Variants in NOTCH4 observed in about 807,000 individuals in gnomAD.
NOTCH4 encodes notch receptor 4, also known as neurogenic locus notch homolog protein 4.
NOTCH4 carries 138 observed loss-of-function variants against 189.0 expected under a neutral mutation model. That is an observed-to-expected ratio of 0.73 (90% CI 0.64 to 0.84). NOTCH4 has a LOEUF of 0.84. Among genes scored for constraint, NOTCH4 ranks in the 40% least tolerant of loss-of-function variants. The pLI is 0.00. For synonymous variants in NOTCH4, 942 were observed against 1,032.8 expected (o/e 0.91, Z 1.69); for missense variants, 2,286 against 2,605.4 (o/e 0.88, Z 2.67).
At chr6:32,222,482 C>T (rs781373579) in intron 3 of NOTCH4, 29 bp downstream of exon 3, 2 of 1,492,514 alleles carry the variant, frequency 1.3e-6, no homozygotes, top group Admixed American at 2.5e-5. Context: ...CCTGCCTGTC[C>T]CCTCCTGGCT....
Position 32,218,058 on chromosome 6 carries a change from G to A in NOTCH4, c.1561C>T (p.Pro521Ser), listed in dbSNP as rs138825503. 3 of 1,613,988 alleles carry A rather than the reference G, an allele frequency of 1.9e-6. No homozygotes were observed. The highest frequency in any genetic ancestry group is 1.1e-5 in the South Asian group (1 of 91,052). Residue 521 changes from proline to serine, a missense_variant, in exon 9 of 30, where the codon CCC becomes TCC. By Grantham distance (74) the Pro-to-Ser change is moderately conservative (BLOSUM62 -1). This residue lies in a region of NOTCH4 where 1,903 missense variants were observed against 2,261.9 expected (regional missense o/e 0.84). Coordinates refer to ENST00000375023, the MANE Select transcript of NOTCH4 (RefSeq NM_004557.4). ...EVETNECASA[P>S]CLNHADCHDL... ...TGGCAATCCGCGTGGTTCAGGCAGGGAGCTGAGGCACACTCGTTGGTCTCC... is the reference window on the plus strand; with the variant it reads ...TGGCAATCCGCGTGGTTCAGGCAGGAAGCTGAGGCACACTCGTTGGTCTCC...
chr6:32,196,281 G>C, intron 29 of NOTCH4, 43 bp downstream of exon 29: 1 of 1,613,040 alleles, frequency 6.2e-7, no homozygotes, highest in Non-Finnish European at 8.5e-7. Context: ...TCCATCTCTC[G>C]TGCGCCTGAC....
In NOTCH4 at chr6:32,195,714, C is replaced by A. The variant is rs2127458150; in HGVS notation, c.5735G>T (p.Arg1912Leu). The A allele has an allele frequency of 1.2e-6, 2 of 1,612,858 alleles. No homozygotes were observed. Among genetic ancestry groups the A allele is most frequent in the African/African-American group, 1.3e-5 (1 of 75,072 alleles). The change falls in exon 30 of 30, where the codon CGC becomes CTC. Residue 1912 changes from arginine (R) to leucine (L), a missense_variant. Physicochemically the swap from Arg to Leu is moderately radical, Grantham distance 102. Coordinates refer to ENST00000375023, the MANE Select transcript of NOTCH4 (RefSeq NM_004557.4). This position sits in a 1 kb window ranked among gnomAD's most constrained non-coding sequence, Gnocchi z 5.4. ...CATGCCTGCAGAAAACCTACGGCCG[C>A]GAGGGGTCGGGCCTCCTCCTGCTCC... ...GVGAGGGPTPRGRRFSAGMRG... is the reference protein window; with the variant it reads ...GVGAGGGPTPLGRRFSAGMRG...
In NOTCH4 at chr6:32,200,706, G is replaced by A. The variant is rs961501504; in HGVS notation, c.4315+125C>T. ...GTTAGAGAAAGCGGGGTTAGGGAAAGTAAGTCCCCACAAAGAACATTTTCA... is the reference window on the plus strand; with the variant it reads ...GTTAGAGAAAGCGGGGTTAGGGAAAATAAGTCCCCACAAAGAACATTTTCA... On this transcript the variant is annotated intron_variant, in intron 23 of 29. Coordinates refer to ENST00000375023, the MANE Select transcript of NOTCH4 (RefSeq NM_004557.4). The surrounding 1 kb of genome is among the most constrained non-coding windows in gnomAD (Gnocchi z 5.0). 14 of 783,860 alleles carry A rather than the reference G, an allele frequency of 1.8e-5. No individual in the cohort carries two copies. The highest frequency in any genetic ancestry group is 2.3e-5 in the Non-Finnish European group (12 of 513,388). 48.6% of individuals were successfully genotyped at this position (783,860 alleles called of 1,614,324 possible).
chr6:32,200,867 C>T lies in NOTCH4; in HGVS notation c.4279G>A (p.Gly1427Arg), dbSNP rs1287813513. The T allele has an allele frequency of 1.2e-6, 2 of 1,608,668 alleles. No individual in the cohort carries two copies. The highest frequency in any genetic ancestry group is 4.5e-5 in the East Asian group (2 of 44,842). Residue 1427 changes from glycine to arginine, a missense_variant, in exon 23 of 30, where the codon GGA (glycine) becomes AGA (arginine). By Grantham distance (125) the Gly-to-Arg change is moderately radical (BLOSUM62 -2). Coordinates refer to ENST00000375023, the MANE Select transcript of NOTCH4 (RefSeq NM_004557.4). This position sits in a 1 kb window ranked among gnomAD's most constrained non-coding sequence, Gnocchi z 5.0. ...TGAGGGTGGACAGCCAGCAGTGGTC[C>T]AGGCAGCAGGGGCTCCAGGGCTCCC... ...AVGALEPLLPGPLLAVHPHAG... is the reference protein window; with the variant it reads ...AVGALEPLLPRPLLAVHPHAG...
In NOTCH4 at chr6:32,220,906, A is replaced by C. The variant is rs372078729; in HGVS notation, c.800-28T>G. On this transcript the variant is annotated intron_variant, in intron 4 of 29. Transcript: ENST00000375023. ...GACAGGGTCATGGATCAGCTGTGGG[A>C]GGAGGCTCCAACGGAGACATCCTGC... 6.2e-6 allele frequency: 10 copies of C among 1,608,944 alleles called. No homozygotes were observed. In the African/African-American group the frequency reaches 1.1e-4, roughly 17 times the overall value.
chr6:32,222,440 T>C lies in NOTCH4; in HGVS notation c.451+71A>G, dbSNP rs915895. 474,691 of 1,348,358 alleles carry C rather than the reference T, an allele frequency of 0.35. 86,004 individuals are homozygous for C. Among genetic ancestry groups the C allele is most frequent in the East Asian group, 0.52 (18,735 of 35,996 alleles). The allele number at this position is 1,348,358 out of a possible 1,614,324, so 83.5% of individuals were successfully genotyped here. A position where few individuals can be genotyped will look rare whatever the true frequency, so the allele number is the denominator to read the frequency against. On this transcript the variant is annotated intron_variant, in intron 3 of 29. Coordinates refer to ENST00000375023, the MANE Select transcript of NOTCH4 (RefSeq NM_004557.4). The stretch of plus-strand genomic sequence containing the variant: ...CTTGCAGTTTCTCAGGCTCCAGTTC[T>C]ATCTTCCCCACCCACAGCCTAGCCC...
chr6:32,195,669 G>C lies in NOTCH4; in HGVS notation c.5780C>G (p.Pro1927Arg). ...TCCGTATCTTCCTCGCATTATCGCA[G>C]GGTTGGGCCGAGGCCCGCGCATGCC... Reference protein sequence around the residue: ...SAGMRGPRPNPAIMRGRYGVA... With the variant: ...SAGMRGPRPNRAIMRGRYGVA... The change falls in exon 30 of 30, where the codon CCT becomes CGT. Residue 1927 changes from proline (P) to arginine (R), a missense_variant. Around this residue, in one of 2 missense-constraint regions of NOTCH4, gnomAD observed 383 missense variants for 343.5 expected, o/e 1.11. Transcript: ENST00000375023. The surrounding 1 kb of genome is among the most constrained non-coding windows in gnomAD (Gnocchi z 5.4). 6.2e-7 allele frequency: 1 copy of C among 1,612,990 alleles called. No individual in the cohort carries two copies. Among genetic ancestry groups the C allele is most frequent in the Non-Finnish European group, 8.5e-7 (1 of 1,179,972 alleles).
Position 32,198,603 on chromosome 6 carries a change from C to A in NOTCH4, c.4618-44G>T. 6.2e-7 allele frequency: 1 copy of A among 1,610,794 alleles called. No individual in the cohort carries two copies. The highest frequency in any genetic ancestry group is 8.5e-7 in the Non-Finnish European group (1 of 1,178,718). ...ATCAGTGAAGGTTGATTTGCCCTTT[C>A]ATCCCTTCCATCACCTCCAGACCAT... is the stretch of plus-strand genomic sequence containing the variant. On this transcript the variant is annotated intron_variant, in intron 25 of 29. Coordinates refer to ENST00000375023, the MANE Select transcript of NOTCH4 (RefSeq NM_004557.4). The surrounding 1 kb of genome is among the most constrained non-coding windows in gnomAD (Gnocchi z 5.5).
chr6:32,212,355 G>C lies in NOTCH4; in HGVS notation c.2680+119C>G. ...AATCAAGAACTGATTTGTCTGTGTG[G>C]TTTTGATTCTCAGATGGTTGTTTTG... On this transcript the variant is annotated intron_variant, in intron 17 of 29. Transcript: ENST00000375023. This position sits in a 1 kb window ranked among gnomAD's most constrained non-coding sequence, Gnocchi z 4.4. 1 of 915,600 alleles carries C rather than the reference G, an allele frequency of 1.1e-6. No homozygotes were observed. 56.7% of individuals were successfully genotyped at this position (915,600 alleles called of 1,614,324 possible). A position where few individuals can be genotyped will look rare whatever the true frequency, so the allele number is the denominator to read the frequency against.
chr6:32,195,906 A>G lies in NOTCH4; in HGVS notation c.5543T>C (p.Val1848Ala). ...CCCGCCCCCATGCGGGGGCACGCTT[A>G]CTGACACCGTCCGTGCGCGCGGGAA... is the stretch of plus-strand genomic sequence containing the variant. ...GPFPRARTVS[V>A]SVPPHGGGAL... The change falls in exon 30 of 30, where the codon GTA (valine) becomes GCA (alanine). Residue 1848 changes from valine (V) to alanine (A), a missense_variant. Transcript: ENST00000375023. This position sits in a 1 kb window ranked among gnomAD's most constrained non-coding sequence, Gnocchi z 5.4. 1.9e-6 allele frequency: 3 copies of G among 1,587,702 alleles called. No homozygotes were observed. The highest frequency in any genetic ancestry group is 2.6e-6 in the Non-Finnish European group (3 of 1,174,616).
At position 32,222,540 on chromosome 6, in the gene NOTCH4, G is replaced by A. The variant is rs754730758; in HGVS notation, c.422C>T (p.Pro141Leu). 7.1e-6 allele frequency: 11 copies of A among 1,558,222 alleles called. No individual in the cohort carries two copies. The highest frequency in any genetic ancestry group is 9.5e-6 in the Non-Finnish European group (11 of 1,157,358). The change falls in exon 3 of 30, where the codon CCA becomes CTA. Residue 141 changes from proline (P) to leucine (L), a missense_variant. Transcript: ENST00000375023. ...CCATCCAGGCATGCAGGAGCACTGT[G>A]GGCGGCCCGAGGCCTGGATGTGGCA... is the stretch of plus-strand genomic sequence containing the variant. ...GRCHIQASGR[P>L]QCSCMPGWTG... is the part of the protein sequence containing the mutation.
rs1789957487 is a variant in NOTCH4 at position 32,223,881 on chromosome 6, T to C, written c.48A>G (p.Leu16=). The part of the protein sequence containing the change: ...LLLLLLLLLL[L]CVSVVRPRGL... ...CTCTGGGTCTGACCACTGAGACACA[T>C]AGCAGCAGCAGCAGCAGCAGCAGCA... is the stretch of plus-strand genomic sequence containing the variant. The change falls in exon 1 of 30, where the codon CTA becomes CTG. Residue 16 remains leucine, a synonymous_variant. Coordinates refer to ENST00000375023, the MANE Select transcript of NOTCH4 (RefSeq NM_004557.4). 1 of 1,547,584 alleles carries C rather than the reference T, an allele frequency of 6.5e-7. No individual in the cohort carries two copies.
At chr6:32,209,596 CAT>C (rs1022657342) in intron 18 of NOTCH4, among the ~76,000 whole-genome samples, 17 of 152,102 alleles carry the variant, frequency 1.1e-4, no homozygotes, top group Non-Finnish European at 2.1e-4. Flanking sequence ...CAAAATATCA[CAT>C]GTGTCCAGGT....
rs2127458598 is a variant in NOTCH4, at chr6:32,195,866, G to A, written c.5583C>T (p.Cys1861=). The change falls in exon 30 of 30, where the codon TGC becomes TGT. Residue 1861 remains cysteine, a synonymous_variant. Transcript: ENST00000375023. This position sits in a 1 kb window ranked among gnomAD's most constrained non-coding sequence, Gnocchi z 5.4. ...GGCCTGCTCCGGCTGACAGCGTCCGGCAGCGCGGCAGAGCCCCGCCCCCAT... is the reference window on the plus strand; with the variant it reads ...GGCCTGCTCCGGCTGACAGCGTCCGACAGCGCGGCAGAGCCCCGCCCCCAT... ...PPHGGGALPR[C]RTLSAGAGPR... is the part of the protein sequence containing the mutation. The A allele has an allele frequency of 6.3e-7, 1 of 1,594,482 alleles. No homozygotes were observed. Among genetic ancestry groups the A allele is most frequent in the Non-Finnish European group, 8.5e-7 (1 of 1,177,362 alleles).
In NOTCH4 at chr6:32,200,958, G is replaced by C. The variant is rs758838147; in HGVS notation, c.4188C>G (p.His1396Gln). 1.2e-6 allele frequency: 2 copies of C among 1,602,380 alleles called. No individual in the cohort carries two copies. The highest frequency in any genetic ancestry group is 1.1e-5 in the South Asian group (1 of 89,348). Residue 1396 changes from histidine to glutamine, a missense_variant, in exon 23 of 30, where the codon CAC becomes CAG. Coordinates refer to ENST00000375023, the MANE Select transcript of NOTCH4 (RefSeq NM_004557.4). The surrounding 1 kb of genome is among the most constrained non-coding windows in gnomAD (Gnocchi z 5.0). ...GGTCCCAGGGACAGCGGGATGCCGG[G>C]TGGTCAGGGCCACAGCGGGACAAAT... ...GVDLSRCGPD[H>Q]PASRCPWDPG...
intron 18 of NOTCH4, among the ~76,000 whole-genome samples, chr6:32,204,939 T>C (rs546052305): frequency 6.6e-6 from 1 of 152,334 alleles, no homozygotes; most frequent in African/African-American, 2.4e-5. Context: ...GCTGAGTCTC[T>C]GAAAGGTTAG....
intron 18 of NOTCH4, among the ~76,000 whole-genome samples, chr6:32,207,632 C>G (rs971630460): frequency 6.0e-5 from 9 of 148,800 alleles, no homozygotes; most frequent in South Asian, 2.2e-4. Flanking sequence ...ACTCTATCCC[C>G]CCCCCCCAAA....
intron 18 of NOTCH4, among the ~76,000 whole-genome samples, chr6:32,208,409 T>C (rs926152572): frequency 1.7e-4 from 26 of 152,146 alleles, no homozygotes; most frequent in Admixed American, 6.5e-4. Context: ...CAATGAGATA[T>C]CATCTCACAC....
Sources: gnomAD v4.1 joint callset for allele counts (sites outside exome capture counted in the v4.1 genomes callset) on GRCh38, gnomAD v4.1.1 for gene constraint, gnomAD v4.1.1 regional missense constraint, Gnocchi (gnomAD v3.1) non-coding constraint, MANE v1.5 for transcripts, NCBI Gene and HGNC (gene_info 2026-07-23, HGNC 2026-07-21) for gene names.